ATP10B: variants seen among roughly 807,000 people sequenced by gnomAD.
The protein encoded by ATP10B is phospholipid-transporting ATPase VB.
ATP10B carries 122 observed loss-of-function variants against 141.2 expected under a neutral mutation model. That is an observed-to-expected ratio of 0.86 (90% CI 0.75 to 1.00). The LOEUF (loss-of-function observed/expected upper bound fraction) is 1.00. Ranked by LOEUF, ATP10B falls within the 50% of genes least tolerant of loss-of-function variation. The probability of loss-of-function intolerance (pLI) is 0.00; values close to 1 mark genes in which losing one functional copy is unlikely to be tolerated. For missense variants in ATP10B, 1,876 were observed against 1,825.3 expected (o/e 1.03, Z -0.51); for synonymous variants, 685 against 692.0 (o/e 0.99, Z 0.16).
chr5:160,611,110 G>C (rs1757695142), intron 18 of ATP10B, among the ~76,000 whole-genome samples: 1 of 152,144 alleles, frequency 6.6e-6, no homozygotes, highest in Non-Finnish European at 1.5e-5. Context: ...GAGATGAAAA[G>C]ACTAATCTTA....
At chr5:160,586,994 C>T (rs1028662639) in intron 24 of ATP10B, among the ~76,000 whole-genome samples, 1 of 152,086 alleles carries the variant, frequency 6.6e-6, no homozygotes, top group Non-Finnish European at 1.5e-5. Context: ...GTTGCAATTG[C>T]TTTTGGTGTT....
At chr5:160,733,175 C>T (rs763139402) in intron 2 of ATP10B, among the ~76,000 whole-genome samples, 12 of 152,086 alleles carry the variant, frequency 7.9e-5, no homozygotes, top group Non-Finnish European at 1.3e-4. Context: ...TTCACCTGCT[C>T]GGTTAAATTA....
intron 24 of ATP10B, among the ~76,000 whole-genome samples, chr5:160,586,696 G>A (rs1266639885): frequency 6.6e-6 from 1 of 152,096 alleles, no homozygotes; most frequent in Non-Finnish European, 1.5e-5. Context: ...ATCTCATTAT[G>A]GTTTTGATTT....
At chr5:160,819,581 A>G (rs2127959645) in intron 1 of ATP10B, among the ~76,000 whole-genome samples, 1 of 152,344 alleles carries the variant, frequency 6.6e-6, no homozygotes, top group Middle Eastern at 3.4e-3. Flanking sequence ...CTTAAGCAGA[A>G]AGACTAAAAA....
chr5:160,585,147 G>C (rs1019770358), intron 24 of ATP10B, among the ~76,000 whole-genome samples: 2 of 152,044 alleles, frequency 1.3e-5, no homozygotes, highest in African/African-American at 4.8e-5. Context: ...ATTTGTTCTA[G>C]CCACCATTTC....
intron 10 of ATP10B, 75 bp downstream of exon 10, chr5:160,640,386 T>C: frequency 6.5e-7 from 1 of 1,540,390 alleles, no homozygotes; most frequent in Middle Eastern, 1.7e-4. Context: ...CCCTACTTTA[T>C]AAATGAGGAA....
chr5:160,907,292 T>A, the ATP10B span, among the ~76,000 whole-genome samples: 5 of 151,744 alleles, frequency 3.3e-5, no homozygotes, highest in African/African-American at 1.2e-4. Context: ...GTTGATTTTT[T>A]TTCTTTAATT....
chr5:160,874,295 G>A, the ATP10B span, among the ~76,000 whole-genome samples: 1 of 151,830 alleles, frequency 6.6e-6, no homozygotes, highest in Non-Finnish European at 1.5e-5. Context: ...ACACGGCAGG[G>A]TATTCCAACA....
chr5:160,725,457 A>AT (rs747995995), intron 2 of ATP10B, among the ~76,000 whole-genome samples: 1,858 of 142,618 alleles, frequency 0.013, 33 homozygotes, highest in African/African-American at 0.036. Flanking sequence ...TTACGATGGG[A>AT]TTTTTTTTTT....
intron 1 of ATP10B, among the ~76,000 whole-genome samples, chr5:160,798,151 C>T (rs1220799951): frequency 6.6e-6 from 1 of 151,868 alleles, no homozygotes; most frequent in African/African-American, 2.4e-5. Context: ...ACAGAGAGGA[C>T]TTGGAAGTTC....
chr5:160,568,536 C>T (rs1247311448), intron 25 of ATP10B, among the ~76,000 whole-genome samples: 2 of 152,168 alleles, frequency 1.3e-5, no homozygotes, highest in East Asian at 3.8e-4. Flanking sequence ...TAAGTCTTTC[C>T]TATGGGAACA....
intron 2 of ATP10B, among the ~76,000 whole-genome samples, chr5:160,753,526 G>T (rs1405742646): frequency 6.6e-6 from 1 of 152,178 alleles, no homozygotes; most frequent in African/African-American, 2.4e-5. Flanking sequence ...CACACATGTA[G>T]AATGTGTCAT....
intron 2 of ATP10B, among the ~76,000 whole-genome samples, chr5:160,784,602 A>C (rs1770995792): frequency 6.6e-6 from 1 of 152,176 alleles, no homozygotes; most frequent in African/African-American, 2.4e-5. Context: ...ATAATTATGC[A>C]AATTGGAGAA....
chr5:160,898,489 GA>G, the ATP10B span, among the ~76,000 whole-genome samples: 151 of 152,286 alleles, frequency 9.9e-4, 1 homozygote, highest in African/African-American at 3.5e-3. Flanking sequence ...AAAAAGTCAG[GA>G]AACAACAGAT....
intron 2 of ATP10B, among the ~76,000 whole-genome samples, chr5:160,726,263 T>G (rs962520513): frequency 6.6e-6 from 1 of 152,202 alleles, no homozygotes; most frequent in African/African-American, 2.4e-5. Context: ...TTAGGAAAGT[T>G]GCCTGGCATG....
chr5:160,572,724 G>A (rs1754950685), intron 24 of ATP10B, among the ~76,000 whole-genome samples: 1 of 152,194 alleles, frequency 6.6e-6, no homozygotes, highest in African/African-American at 2.4e-5. Flanking sequence ...GTCATAGAGA[G>A]GAGAATTCCT....
At chr5:160,895,789 T>A in the ATP10B span, among the ~76,000 whole-genome samples, 1 of 152,170 alleles carries the variant, frequency 6.6e-6, no homozygotes, top group Non-Finnish European at 1.5e-5. Flanking sequence ...ATTGACCACA[T>A]AATTGGAAGT....
chr5:160,819,810 A>C (rs1239846284), intron 1 of ATP10B, among the ~76,000 whole-genome samples: 2 of 152,140 alleles, frequency 1.3e-5, no homozygotes, highest in African/African-American at 4.8e-5. Context: ...TGGCACCCTA[A>C]ATCAAAAAAC....
Position 160,620,459 on chromosome 5 carries a change from A to G in ATP10B, c.2304T>C (p.Ser768=). 1 of 1,614,222 alleles carries G rather than the reference A, an allele frequency of 6.2e-7. No individual in the cohort carries two copies. The highest frequency in any genetic ancestry group is 8.5e-7 in the Non-Finnish European group (1 of 1,180,030). The change falls in exon 15 of 26, where the codon TCT becomes TCC. Residue 768 remains serine (S), a synonymous_variant. Coordinates refer to ENST00000327245, the MANE Select transcript of ATP10B (RefSeq NM_025153.3). The stretch of plus-strand genomic sequence containing the variant: ...CAACCACAGACATTCTCTTCCTGAC[A>G]GAGTCAAAGCCCAGGGTGCAGAGGA... ...FSLLCTLGFD[S]VRKRMSVVVR...
Sources: gnomAD v4.1 joint callset for allele counts (sites outside exome capture counted in the v4.1 genomes callset) on GRCh38, gnomAD v4.1.1 for gene constraint, MANE v1.5 for transcripts, NCBI Gene and HGNC (gene_info 2026-07-23, HGNC 2026-07-21) for gene names.